Variants in ARHGAP18 observed in about 807,000 individuals in gnomAD.
ARHGAP18 encodes Rho GTPase activating protein 18.
In ARHGAP18, 67 loss-of-function variants were observed where a neutral mutation model predicts 86.2. The observed-to-expected ratio is 0.78, with a 90% CI of 0.64 to 0.95. The LOEUF is 0.95. Ranked by LOEUF, ARHGAP18 falls within the 40% of genes least tolerant of loss-of-function variation. The pLI is 0.00. For synonymous variants in ARHGAP18, 283 were observed against 280.4 expected (o/e 1.01, Z -0.09); for missense variants, 691 against 780.4 (o/e 0.89, Z 1.37).
rs760440321 is a variant in ARHGAP18 at position 129,580,027 on chromosome 6, T to A, written c.1900+43A>T. ...ACATAAATAATAACCACTGGCAATA[T>A]CAAAACAGCATATAAAATGTAAAGA... On this transcript the variant is annotated intron_variant, in intron 14 of 14. Coordinates refer to ENST00000368149, the MANE Select transcript of ARHGAP18 (RefSeq NM_033515.3). 7 of 1,509,764 alleles carry A rather than the reference T, an allele frequency of 4.6e-6. No homozygotes were observed. The Admixed American group carries it at 8.5e-5, about 18-fold the overall frequency. 93.5% of individuals were successfully genotyped at this position (1,509,764 alleles called of 1,614,324 possible). A position where few individuals can be genotyped will look rare whatever the true frequency, so the allele number is the denominator to read the frequency against.
intron 12 of ARHGAP18, among the ~76,000 whole-genome samples, chr6:129,587,463 G>A (rs543973231): frequency 2.6e-5 from 4 of 152,188 alleles, no homozygotes; most frequent in East Asian, 1.9e-4. Flanking sequence ...GTCTCTTCTC[G>A]TGCTGCTATG....
chr6:129,704,171 G>A lies in ARHGAP18; in HGVS notation c.113+5853C>T, dbSNP rs191058596. On this transcript the variant is annotated intron_variant, in intron 1 of 14. Transcript: ENST00000368149. ...CTCAAAACTGAGCTTCAGGCCAGGC[G>A]TGAGGGCTCACACCTATAATCCTAG... Among the ~76,000 whole-genome samples the A allele has an allele frequency of 6.8e-4, 104 of 152,134 alleles. 1 individual carries two copies. The highest frequency in any genetic ancestry group is 1.9e-4 in the Non-Finnish European group (13 of 68,006).
intron 1 of ARHGAP18, among the ~76,000 whole-genome samples, chr6:129,690,124 CGTGTGT>C (rs142057840): frequency 6.7e-6 from 1 of 150,058 alleles, no homozygotes; most frequent in Non-Finnish European, 1.5e-5. Context: ...CCCATGTAAA[CGTGTGT>C]GTGTGTGTGT....
intron 7 of ARHGAP18, among the ~76,000 whole-genome samples, chr6:129,615,151 G>T (rs1789068449): frequency 6.6e-6 from 1 of 152,206 alleles, no homozygotes; most frequent in African/African-American, 2.4e-5. Context: ...TCCCTGCTTT[G>T]TATAGGCTTT....
intron 1 of ARHGAP18, among the ~76,000 whole-genome samples, chr6:129,663,024 A>G (rs1248411838): frequency 6.6e-6 from 1 of 152,226 alleles, no homozygotes; most frequent in Non-Finnish European, 1.5e-5. Flanking sequence ...GGCAGTTGTC[A>G]TTATAACCCC....
At chr6:129,653,851 T>C (rs1231457613) in intron 1 of ARHGAP18, among the ~76,000 whole-genome samples, 5 of 150,614 alleles carry the variant, frequency 3.3e-5, no homozygotes. Flanking sequence ...CTCACCAGCC[T>C]GGGCAACATA....
chr6:129,586,485 T>C (rs1788397249), intron 12 of ARHGAP18, among the ~76,000 whole-genome samples: 1 of 152,088 alleles, frequency 6.6e-6, no homozygotes, highest in Non-Finnish European at 1.5e-5. Flanking sequence ...CCATGCACTT[T>C]ATATTGAGGT....
At chr6:129,647,716 A>G (rs889638216) in intron 1 of ARHGAP18, among the ~76,000 whole-genome samples, 1 of 151,776 alleles carries the variant, frequency 6.6e-6, no homozygotes, top group African/African-American at 2.4e-5. Flanking sequence ...TCCTCAGATC[A>G]TGACATATAA....
chr6:129,635,701 TAGA>T (rs570815139), intron 3 of ARHGAP18, among the ~76,000 whole-genome samples: 1 of 152,172 alleles, frequency 6.6e-6, no homozygotes, highest in South Asian at 2.1e-4. Context: ...CACTCAAAAG[TAGA>T]AGAACTGCAA....
chr6:129,598,431 A>G (rs866061403), intron 12 of ARHGAP18, among the ~76,000 whole-genome samples: 1 of 152,194 alleles, frequency 6.6e-6, no homozygotes, highest in Non-Finnish European at 1.5e-5. Context: ...ATTATTCCAC[A>G]AGATGTCAGC....
At chr6:129,622,436 T>C (rs1198619048) in intron 5 of ARHGAP18, among the ~76,000 whole-genome samples, 2 of 152,132 alleles carry the variant, frequency 1.3e-5, no homozygotes, top group African/African-American at 4.8e-5. Context: ...CCAAGGTAAA[T>C]GTTTACAGAA....
intron 6 of ARHGAP18, among the ~76,000 whole-genome samples, chr6:129,617,745 T>C (rs1789125896): frequency 6.6e-6 from 1 of 152,168 alleles, no homozygotes; most frequent in South Asian, 2.1e-4. Flanking sequence ...TAAGCTAAAA[T>C]ACTCAAAGGA....
intron 1 of ARHGAP18, among the ~76,000 whole-genome samples, chr6:129,709,291 A>C (rs1046274241): frequency 1.3e-5 from 2 of 152,198 alleles, no homozygotes. Context: ...GAGAAAGAAA[A>C]AAAAAAGCCC....
chr6:129,645,242 T>C (rs1303399275), intron 1 of ARHGAP18, among the ~76,000 whole-genome samples: 1 of 152,170 alleles, frequency 6.6e-6, no homozygotes, highest in East Asian at 1.9e-4. Flanking sequence ...ACTTTTGTAC[T>C]TCAGACAGGC....
chr6:129,644,561 G>A (rs1010333428), intron 1 of ARHGAP18, among the ~76,000 whole-genome samples: 1 of 152,126 alleles, frequency 6.6e-6, no homozygotes, highest in African/African-American at 2.4e-5. Flanking sequence ...CTCTCATAGT[G>A]TGAAATTGAC....
At chr6:129,678,902 A>G (rs1456794583) in intron 1 of ARHGAP18, among the ~76,000 whole-genome samples, 1 of 152,250 alleles carries the variant, frequency 6.6e-6, no homozygotes, top group Non-Finnish European at 1.5e-5. Context: ...TCTTAGGTAC[A>G]AAATTCAGCA....
intron 1 of ARHGAP18, among the ~76,000 whole-genome samples, chr6:129,661,280 G>C (rs997464693): frequency 9.0e-5 from 12 of 133,836 alleles, no homozygotes; most frequent in African/African-American, 3.0e-4. Flanking sequence ...ATGAGCCTAG[G>C]AGTTCAAGTC....
At chr6:129,632,321 T>G (rs1307079681) in intron 4 of ARHGAP18, among the ~76,000 whole-genome samples, 2 of 152,168 alleles carry the variant, frequency 1.3e-5, no homozygotes, top group African/African-American at 4.8e-5. Context: ...AAAGCAGATG[T>G]AAATCAAGCA....
In ARHGAP18 at chr6:129,584,031, G is replaced by A; in HGVS notation, c.1795C>T (p.Leu599=). Residue 599 remains leucine (L), a synonymous_variant, in exon 13 of 15, where the codon CTA becomes TTA. Coordinates refer to ENST00000368149, the MANE Select transcript of ARHGAP18 (RefSeq NM_033515.3). ...VSMAIQLTEE[L]KASDVLARFL... Reference sequence around the variant, plus strand: ...CTGGCAAGTACATCACTGGCTTTTAGTTCTTCAGTTAGCTGTATTGCCATG... The same window carrying A: ...CTGGCAAGTACATCACTGGCTTTTAATTCTTCAGTTAGCTGTATTGCCATG... The A allele has an allele frequency of 1.2e-6, 2 of 1,613,720 alleles. No individual in the cohort carries two copies. Among genetic ancestry groups the A allele is most frequent in the Non-Finnish European group, 8.5e-7 (1 of 1,179,774 alleles).
Sources: gnomAD v4.1 joint callset for allele counts (sites outside exome capture counted in the v4.1 genomes callset) on GRCh38, gnomAD v4.1.1 for gene constraint, MANE v1.5 for transcripts, NCBI Gene and HGNC (gene_info 2026-07-23, HGNC 2026-07-21) for gene names.